The following CREBBP variants were observed in gnomAD, a reference collection of about 807,000 sequenced individuals.
CREBBP encodes the protein CREB-binding protein.
Under a neutral mutation model 265.0 loss-of-function variants are expected in CREBBP, and 19 were observed. That is an observed-to-expected ratio of 0.07 (90% CI 0.05 to 0.11). The LOEUF is 0.11. Among genes scored for constraint, CREBBP ranks in the 10% least tolerant of loss-of-function variants. CREBBP has a pLI of 1.00. For synonymous variants in CREBBP, 1,457 were observed against 1,223.7 expected, an observed-to-expected ratio of 1.19 and a Z score of -3.98; for missense variants, 2,525 against 3,219.0, an observed-to-expected ratio of 0.78 and a Z score of 5.22.
At chr16:3,733,580 A>C (rs1197604769) in intron 28 of CREBBP, among the ~76,000 whole-genome samples, 1 of 152,170 alleles carries the variant, frequency 6.6e-6, no homozygotes, top group African/African-American at 2.4e-5. Context: ...TAGTAACAGG[A>C]GAAACTGCGT....
intron 5 of CREBBP, among the ~76,000 whole-genome samples, chr16:3,789,344 A>T (rs1401188134): frequency 1.3e-5 from 2 of 152,184 alleles, no homozygotes; most frequent in East Asian, 1.9e-4. Context: ...TGCACTGTGC[A>T]GACACTGTCC....
chr16:3,772,915 C>CAAA (rs144154476), intron 13 of CREBBP, among the ~76,000 whole-genome samples: 9,199 of 88,678 alleles, frequency 0.1, 632 homozygotes, highest in Non-Finnish European at 0.15. Flanking sequence ...ACTAAAAATA[C>CAAA]AAAAAAAAAA....
chr16:3,821,731 T>C (rs908738792), intron 2 of CREBBP, among the ~76,000 whole-genome samples: 5 of 152,178 alleles, frequency 3.3e-5, no homozygotes, highest in Admixed American at 1.3e-4. Flanking sequence ...AATTTTATTC[T>C]ATAAAGACTG....
At chr16:3,776,195 G>C (rs1049528107) in intron 11 of CREBBP, among the ~76,000 whole-genome samples, 1 of 152,090 alleles carries the variant, frequency 6.6e-6, no homozygotes, top group African/African-American at 2.4e-5. Flanking sequence ...TGGGATTACA[G>C]GTGTGAGCCA....
chr16:3,758,229 A>C (rs1440512709), intron 17 of CREBBP, among the ~76,000 whole-genome samples, 181 bp from the exon 18 acceptor site: 1 of 152,208 alleles, frequency 6.6e-6, no homozygotes, highest in Non-Finnish European at 1.5e-5. Context: ...TTTACTCACT[A>C]AAAGTGTAAT....
At chr16:3,774,265 C>G (rs1179354598) in intron 12 of CREBBP, among the ~76,000 whole-genome samples, 3 of 152,206 alleles carry the variant, frequency 2.0e-5, no homozygotes. Flanking sequence ...AGCTCTCAGT[C>G]AACAGATGCT....
intron 15 of CREBBP, 52 bp from the exon 16 acceptor site, chr16:3,767,961 C>T: frequency 6.4e-7 from 1 of 1,551,516 alleles, no homozygotes; most frequent in Non-Finnish European, 8.9e-7. Context: ...CTTTATGTTA[C>T]CGCAACCTCA....
chr16:3,736,645 G>C lies in CREBBP; in HGVS notation c.4560+5C>G, dbSNP rs186403025. On this transcript the variant is annotated splice_donor_5th_base_variant and intron_variant, in intron 27 of 30. Coordinates refer to ENST00000262367, the MANE Select transcript of CREBBP (RefSeq NM_004380.3). ...AAGCCACCACCTTCCTTCAGCGCCG[G>C]GTACCTTGTAGTCATGGATGATCCG... 1.9e-6 allele frequency: 3 copies of C among 1,614,178 alleles called. No individual in the cohort carries two copies. Among genetic ancestry groups the C allele is most frequent in the East Asian group, 4.5e-5 (2 of 44,886 alleles).
chr16:3,765,430 G>A lies in CREBBP; in HGVS notation c.3250+2290C>T, dbSNP rs76266157. ...ACAGCTGAAGTAGCTGCTTGCCCTCGTGGAGCACATTAAAACTTTCAGGAA... is the reference window on the plus strand; with the variant it reads ...ACAGCTGAAGTAGCTGCTTGCCCTCATGGAGCACATTAAAACTTTCAGGAA... On this transcript the variant is annotated intron_variant, in intron 16 of 30. Coordinates refer to ENST00000262367, the MANE Select transcript of CREBBP (RefSeq NM_004380.3). Among the ~76,000 whole-genome samples, 1,381 of 152,284 alleles carry A rather than the reference G, an allele frequency of 9.1e-3. 20 individuals are homozygous for A. The highest frequency in any genetic ancestry group is 0.029 in the African/African-American group (1,186 of 41,542).
rs2151318797 is a variant in CREBBP, at chr16:3,731,788, C to A, written c.4878G>T (p.Glu1626Asp). ...DLSQKLYATM[E>D]KHKEVFFVIH... is the part of the protein sequence containing the mutation. ...AGCCCACGCCTACCTCCTTGTGCTTCTCCATGGTGGCATACAGCTTCTGGG... is the reference window on the plus strand; with the variant it reads ...AGCCCACGCCTACCTCCTTGTGCTTATCCATGGTGGCATACAGCTTCTGGG... The change falls in exon 29 of 31, where the codon GAG becomes GAT. Residue 1626 changes from glutamate to aspartate, a missense_variant. Glu to Asp is a conservative substitution (Grantham distance 45, BLOSUM62 2). Around this residue, in one of 19 missense-constraint regions of CREBBP, gnomAD observed 93 missense variants for 161.5 expected, o/e 0.58. Transcript: ENST00000262367. This position sits in a 1 kb window ranked among gnomAD's most constrained non-coding sequence, Gnocchi z 7.7. 1 of 1,614,270 alleles carries A rather than the reference C, an allele frequency of 6.2e-7. No homozygotes were observed. Among genetic ancestry groups the A allele is most frequent in the Non-Finnish European group, 8.5e-7 (1 of 1,180,054 alleles).
At position 3,876,399 on chromosome 16, in the gene CREBBP, CAAAAAAAAAAAAAA is replaced by C. The variant is rs71133663; in HGVS notation, c.85+3419_85+3432del. On this transcript the variant is annotated intron_variant, in intron 1 of 30. Transcript: ENST00000262367. ...GTGCAAATTTTGCAATAAAGCTGAC[CAAAAAAAAAAAAAA>C]AAAAAAAAAAAAACAACCCAGAAAA... Among the ~76,000 whole-genome samples the C allele has an allele frequency of 1.2e-3, 22 of 18,164 alleles. No individual in the cohort carries two copies. In the South Asian group the frequency reaches 0.035, roughly 29 times the overall value. The allele number at this position is 18,164 out of a possible 152,430, so 11.9% of individuals were successfully genotyped here. A position where few individuals can be genotyped will look rare whatever the true frequency, so the allele number is the denominator to read the frequency against.
At chr16:3,879,250 AC>A (rs1187737336) in intron 1 of CREBBP, among the ~76,000 whole-genome samples, 3 of 151,846 alleles carry the variant, frequency 2.0e-5, no homozygotes, top group Non-Finnish European at 2.9e-5. Flanking sequence ...ACACACACAC[AC>A]ACACACACAC....
chr16:3,855,304 C>T lies in CREBBP; in HGVS notation c.86-4295G>A, dbSNP rs564339510. Among the ~76,000 whole-genome samples the T allele has an allele frequency of 2.6e-5, 4 of 152,256 alleles. No homozygotes were observed. In the East Asian group the frequency reaches 7.7e-4, roughly 29 times the overall value. On this transcript the variant is annotated intron_variant, in intron 1 of 30. Coordinates refer to ENST00000262367, the MANE Select transcript of CREBBP (RefSeq NM_004380.3). ...TATTAGACAGAGTCTTGCTCTGTTG[C>T]CCACGCTAGATGGAGTGCAGTGGCA...
intron 26 of CREBBP, among the ~76,000 whole-genome samples, chr16:3,737,519 G>T (rs1293041893): frequency 1.3e-5 from 2 of 151,704 alleles, no homozygotes; most frequent in African/African-American, 2.4e-5. Flanking sequence ...GAGTGCAATG[G>T]CATGATCTCG....
intron 16 of CREBBP, among the ~76,000 whole-genome samples, chr16:3,765,266 G>A (rs1415211221): frequency 1.3e-5 from 2 of 152,084 alleles, no homozygotes; most frequent in African/African-American, 2.4e-5. Context: ...GTGAGGCACC[G>A]CGTCTGGCCG....
intron 1 of CREBBP, among the ~76,000 whole-genome samples, chr16:3,878,009 A>T (rs1944786738): frequency 6.6e-6 from 1 of 152,224 alleles, no homozygotes; most frequent in Non-Finnish European, 1.5e-5. Flanking sequence ...ACTATGGAAA[A>T]AGCTAACCTT....
At chr16:3,831,692 C>T (rs2054345534) in intron 2 of CREBBP, among the ~76,000 whole-genome samples, 1 of 151,994 alleles carries the variant, frequency 6.6e-6, no homozygotes, top group African/African-American at 2.4e-5. Flanking sequence ...TAAATTCTAT[C>T]CAAATTAAGA....
chr16:3,854,623 G>A (rs940496487), intron 1 of CREBBP, among the ~76,000 whole-genome samples: 5 of 152,168 alleles, frequency 3.3e-5, no homozygotes, highest in African/African-American at 1.2e-4. Context: ...TTCCTTTACA[G>A]GACAACACCA....
intron 2 of CREBBP, among the ~76,000 whole-genome samples, chr16:3,822,233 C>T (rs2054155463): frequency 6.6e-6 from 1 of 152,142 alleles, no homozygotes; most frequent in African/African-American, 2.4e-5. Context: ...TTCCACGGAT[C>T]TACACTCCAC....
Sources: allele counts gnomAD v4.1 joint callset (sites outside exome capture counted in the v4.1 genomes callset), GRCh38; gene constraint gnomAD v4.1.1; regional missense constraint gnomAD v4.1.1; non-coding constraint Gnocchi (gnomAD v3.1); transcripts MANE v1.5; gene names NCBI Gene and HGNC (gene_info 2026-07-23, HGNC 2026-07-21).